CNIH3: variants seen among roughly 807,000 people sequenced by gnomAD.
CNIH3 encodes the protein cornichon family AMPA receptor auxiliary protein 3.
A neutral mutation model predicts 24.1 loss-of-function variants in CNIH3; 14 were observed. The ratio of observed to expected loss-of-function variants is 0.58; its 90% confidence interval spans 0.38 to 0.91. The LOEUF (loss-of-function observed/expected upper bound fraction) is 0.91. Ranked by LOEUF, CNIH3 falls within the 40% of genes least tolerant of loss-of-function variation. The pLI is 0.00. For synonymous variants in CNIH3, 68 were observed against 73.8 expected, an observed-to-expected ratio of 0.92 and a Z score of 0.40; for missense variants, 178 against 196.8, an observed-to-expected ratio of 0.90 and a Z score of 0.57.
chr1:224,698,835 A>T (rs1253936603), intron 3 of CNIH3, among the ~76,000 whole-genome samples: 2 of 152,202 alleles, frequency 1.3e-5, no homozygotes, highest in Non-Finnish European at 2.9e-5. Flanking sequence ...GCACATAGCC[A>T]GTAATGCTTT....
chr1:224,678,902 A>AT (rs1319757129), intron 1 of CNIH3, among the ~76,000 whole-genome samples: 19 of 152,080 alleles, frequency 1.2e-4, no homozygotes, highest in Non-Finnish European at 2.2e-4. Flanking sequence ...GGGTCAGCAG[A>AT]TTTTTTTCTA....
At chr1:224,548,982 GTGTGTGTACACCC>G (rs1033969315) in intron 3 of CNIH3, among the ~76,000 whole-genome samples, 6 of 151,306 alleles carry the variant, frequency 4.0e-5, no homozygotes, top group Non-Finnish European at 7.4e-5. Flanking sequence ...TAGCATCACA[GTGTGTGTACACCC>G]TGTGTGTACA....
chr1:224,449,274 A>G (rs1675292201), intron 1 of CNIH3, among the ~76,000 whole-genome samples: 1 of 151,716 alleles, frequency 6.6e-6, no homozygotes, highest in African/African-American at 2.4e-5. Context: ...AGAAACTGGG[A>G]TTCTCTTTAA....
rs201489018 is a variant in CNIH3, at chr1:224,684,865, C to T, written c.198+22C>T. On this transcript the variant is annotated intron_variant, in intron 3 of 5. Transcript: ENST00000272133. This position sits in a 1 kb window ranked among gnomAD's most constrained non-coding sequence, Gnocchi z 4.2. ...AAAGGTCAGTGTGGCAGCTTCATGC[C>T]GAGGATGGAGGATCGCATGGTGGTG... 325 of 1,611,444 alleles carry T rather than the reference C, an allele frequency of 2.0e-4. 1 individual carries two copies. In the Middle Eastern group the frequency reaches 2.5e-3, roughly 12 times the overall value.
At chr1:224,532,101 GACAAA>G (rs1268413731) in intron 2 of CNIH3, among the ~76,000 whole-genome samples, 11 of 152,168 alleles carry the variant, frequency 7.2e-5, no homozygotes, top group Non-Finnish European at 1.5e-4. Flanking sequence ...GGTGCAGAAA[GACAAA>G]ATAGAGGAGG....
chr1:224,603,459 C>T (rs2125043586), intron 3 of CNIH3, among the ~76,000 whole-genome samples: 1 of 152,138 alleles, frequency 6.6e-6, no homozygotes, highest in African/African-American at 2.4e-5. Context: ...CTTTGTCCTG[C>T]TTTTAGGCAA....
intron 3 of CNIH3, among the ~76,000 whole-genome samples, chr1:224,596,262 C>A (rs1179034938): frequency 6.6e-6 from 1 of 152,192 alleles, no homozygotes; most frequent in East Asian, 1.9e-4. Context: ...AATCCTAGAA[C>A]CCTTTATAAT....
At chr1:224,584,594 C>T (rs1222753734) in intron 5 of CNIH3, among the ~76,000 whole-genome samples, 5 of 152,208 alleles carry the variant, frequency 3.3e-5, no homozygotes, top group Non-Finnish European at 7.3e-5. Context: ...TTCACATTTG[C>T]AGTCATCAGG....
At chr1:224,626,222 G>C (rs10916655) in intron 1 of CNIH3, among the ~76,000 whole-genome samples, 16,333 of 152,236 alleles carry the variant, frequency 0.11, 970 homozygotes, top group South Asian at 0.24. Flanking sequence ...AGGGTTGGAA[G>C]TGGTTGCTGT....
At chr1:224,619,512 C>G (rs1683180965) in intron 1 of CNIH3, among the ~76,000 whole-genome samples, 2 of 152,176 alleles carry the variant, frequency 1.3e-5, no homozygotes, top group South Asian at 4.1e-4. Context: ...TTTTCCTTCT[C>G]TATCCCTTTC....
chr1:224,487,084 G>T (rs1677059061), intron 1 of CNIH3, among the ~76,000 whole-genome samples: 1 of 152,122 alleles, frequency 6.6e-6, no homozygotes, highest in Non-Finnish European at 1.5e-5. Context: ...CTTTATGGGA[G>T]AATTCTATTT....
chr1:224,529,762 G>A (rs137904262), intron 2 of CNIH3, among the ~76,000 whole-genome samples: 5 of 152,306 alleles, frequency 3.3e-5, no homozygotes, highest in South Asian at 2.1e-4. Flanking sequence ...ATGAAGAAAC[G>A]CTTTGTATAT....
intron 1 of CNIH3, among the ~76,000 whole-genome samples, chr1:224,680,344 G>A (rs781587529): frequency 1.6e-4 from 25 of 152,286 alleles, no homozygotes; most frequent in African/African-American, 5.5e-4. Context: ...CAGGGATATC[G>A]GGAAAGTGTT....
downstream of CNIH3, among the ~76,000 whole-genome samples, chr1:224,593,465 AG>A (rs1483349807): frequency 2.0e-5 from 3 of 152,240 alleles, no homozygotes; most frequent in African/African-American, 7.2e-5. Context: ...GCTTGCCTAA[AG>A]TCACACAGCT....
chr1:224,653,129 G>A (rs1684939070), intron 1 of CNIH3, among the ~76,000 whole-genome samples: 1 of 152,112 alleles, frequency 6.6e-6, no homozygotes, highest in East Asian at 1.9e-4. Context: ...AAACTGGGAG[G>A]ACCTCATCAT....
intron 1 of CNIH3, among the ~76,000 whole-genome samples, chr1:224,627,284 T>C (rs1254660668): frequency 6.6e-6 from 1 of 152,016 alleles, no homozygotes; most frequent in Non-Finnish European, 1.5e-5. Context: ...TGGAGTGCAG[T>C]GATGTGATCT....
At chr1:224,681,643 A>G (rs1453118569) in intron 2 of CNIH3, among the ~76,000 whole-genome samples, 2 of 152,118 alleles carry the variant, frequency 1.3e-5, no homozygotes, top group African/African-American at 4.8e-5. Flanking sequence ...CAGGCCCTAC[A>G]TGCTGCCCTT....
intron 3 of CNIH3, among the ~76,000 whole-genome samples, chr1:224,601,831 A>C (rs1354426489): frequency 6.6e-6 from 1 of 152,240 alleles, no homozygotes; most frequent in Non-Finnish European, 1.5e-5. Context: ...GATTTATTGG[A>C]TTAACATCTT....
chr1:224,489,392 C>T (rs938320379), intron 1 of CNIH3, among the ~76,000 whole-genome samples: 2 of 152,188 alleles, frequency 1.3e-5, no homozygotes, highest in South Asian at 2.1e-4. Flanking sequence ...TCCCTCACAT[C>T]CCATCCTTTG....
Sources: allele counts gnomAD v4.1 joint callset (sites outside exome capture counted in the v4.1 genomes callset), GRCh38; gene constraint gnomAD v4.1.1; non-coding constraint Gnocchi (gnomAD v3.1); transcripts MANE v1.5; gene names NCBI Gene and HGNC (gene_info 2026-07-23, HGNC 2026-07-21).